Variants in FNIP2 observed in about 807,000 individuals in gnomAD.
FNIP2 encodes folliculin-interacting protein 2.
A neutral mutation model predicts 108.7 loss-of-function variants in FNIP2; 32 were observed. The observed-to-expected ratio is 0.29, with a 90% CI of 0.22 to 0.40. The LOEUF is 0.40. FNIP2 is among the 10% of genes least tolerant of loss of function. FNIP2 has a pLI of 1.00. For synonymous variants in FNIP2, 480 were observed against 496.7 expected, an observed-to-expected ratio of 0.97 and a Z score of 0.45; for missense variants, 1,202 against 1,381.6, an observed-to-expected ratio of 0.87 and a Z score of 2.06.
At chr4:158,883,448 A>C (rs1781827702) in intron 14 of FNIP2, among the ~76,000 whole-genome samples, 2 of 152,082 alleles carry the variant, frequency 1.3e-5, no homozygotes, top group Admixed American at 1.3e-4. Context: ...TCACCGTGTT[A>C]GCCAGGATGG....
intron 1 of FNIP2, among the ~76,000 whole-genome samples, chr4:158,800,581 T>G (rs906509467): frequency 1.3e-5 from 2 of 152,196 alleles, no homozygotes; most frequent in Non-Finnish European, 1.5e-5. Context: ...AAAAATAGTT[T>G]TTCCCATTGT....
At position 158,825,902 on chromosome 4, in the gene FNIP2, T is replaced by C; in HGVS notation, c.108-14T>C. ...GCAGATAACATAACTTCTTTTGCCC[T>C]TTTTAATCCACAGTTGGTCATGTTC... On this transcript the variant is annotated splice_polypyrimidine_tract_variant and intron_variant, in intron 1 of 16. Coordinates refer to ENST00000264433, the MANE Select transcript of FNIP2 (RefSeq NM_020840.3). 1.3e-6 allele frequency: 2 copies of C among 1,599,318 alleles called. No individual in the cohort carries two copies. The highest frequency in any genetic ancestry group is 2.3e-5 in the East Asian group (1 of 44,272).
At chr4:158,882,306 C>T (rs1300151667) in intron 14 of FNIP2, among the ~76,000 whole-genome samples, 10 of 151,738 alleles carry the variant, frequency 6.6e-5, no homozygotes, top group East Asian at 3.9e-4. Flanking sequence ...CGTCTCCGCC[C>T]GGCAGCTGCC....
At chr4:158,903,766 G>A (rs1729569373) in intron 16 of FNIP2, among the ~76,000 whole-genome samples, 1 of 152,118 alleles carries the variant, frequency 6.6e-6, no homozygotes, top group Non-Finnish European at 1.5e-5. Flanking sequence ...GGAATTCAAG[G>A]GTAAGGATTA....
At position 158,806,050 on chromosome 4, in the gene FNIP2, T is replaced by C. The variant is rs1776938180; in HGVS notation, c.108-19866T>C. 14 of 904,368 alleles carry C rather than the reference T, an allele frequency of 1.5e-5. No homozygotes were observed. The South Asian group carries it at 4.5e-4, about 29-fold the overall frequency. The allele number at this position is 904,368 out of a possible 1,614,324, so 56.0% of individuals were successfully genotyped here. On this transcript the variant is annotated intron_variant, in intron 1 of 16. Coordinates refer to ENST00000264433, the MANE Select transcript of FNIP2 (RefSeq NM_020840.3). ...AAATGAATGTTCCACCTTTTTTTTT[T>C]TTTAAACCTTTGAAAGGGGAAATTA...
intron 3 of FNIP2, among the ~76,000 whole-genome samples, chr4:158,831,056 A>C (rs2126584500): frequency 6.6e-6 from 1 of 152,328 alleles, no homozygotes; most frequent in Non-Finnish European, 1.5e-5. Flanking sequence ...TCCAGGCAAA[A>C]CCACAGTAAG....
chr4:158,778,206 A>C (rs1194956383), intron 1 of FNIP2, among the ~76,000 whole-genome samples: 1 of 152,204 alleles, frequency 6.6e-6, no homozygotes, highest in Non-Finnish European at 1.5e-5. Flanking sequence ...TGTCTTCATG[A>C]AACTCTCCTT....
intron 16 of FNIP2, among the ~76,000 whole-genome samples, chr4:158,903,422 G>A (rs139851500): frequency 3.9e-5 from 6 of 152,210 alleles, no homozygotes; most frequent in African/African-American, 9.6e-5. Context: ...GTTCCTATTC[G>A]GCCGTCTTGC....
intron 1 of FNIP2, among the ~76,000 whole-genome samples, chr4:158,773,395 C>T (rs1775759676): frequency 6.6e-6 from 1 of 151,980 alleles, no homozygotes; most frequent in Non-Finnish European, 1.5e-5. Context: ...TTGAGGAAGC[C>T]ATTGATTTAG....
intron 1 of FNIP2, among the ~76,000 whole-genome samples, chr4:158,799,064 G>A (rs951916933): frequency 2.6e-5 from 4 of 152,208 alleles, no homozygotes; most frequent in Non-Finnish European, 5.9e-5. Context: ...TTAGAGCAAG[G>A]CATATGAGAA....
chr4:158,889,593 C>T (rs936931188), intron 14 of FNIP2, among the ~76,000 whole-genome samples: 1 of 152,196 alleles, frequency 6.6e-6, no homozygotes, highest in African/African-American at 2.4e-5. Context: ...TCCTCCTCCC[C>T]TTGCCCTTTG....
intron 7 of FNIP2, among the ~76,000 whole-genome samples, chr4:158,841,513 TG>T (rs1779132425): frequency 6.6e-6 from 1 of 152,168 alleles, no homozygotes; most frequent in Admixed American, 6.5e-5. Context: ...TAGAGTGCTT[TG>T]TAGAGAGGAG....
At chr4:158,806,092 T>C in intron 1 of FNIP2, 1 of 1,062,440 alleles carries the variant, frequency 9.4e-7, no homozygotes, top group East Asian at 7.5e-5. Flanking sequence ...TGCTGTCAAG[T>C]AGCTTTTCTC....
At chr4:158,845,341 A>G (rs1359248878) in intron 7 of FNIP2, among the ~76,000 whole-genome samples, 1 of 152,232 alleles carries the variant, frequency 6.6e-6, no homozygotes, top group East Asian at 1.9e-4. Context: ...AGTTCTTTTC[A>G]TTATCATGTA....
chr4:158,791,266 C>CT lies in FNIP2; in HGVS notation c.107+21976dup, dbSNP rs199714823. 1.9e-3 allele frequency among the ~76,000 whole-genome samples: 187 copies of CT among 98,072 alleles called. 10 individuals are homozygous for CT. The highest frequency in any genetic ancestry group is 7.5e-3 in the South Asian group (17 of 2,278). The allele number at this position is 98,072 out of a possible 152,430, so 64.3% of individuals were successfully genotyped here. A position where few individuals can be genotyped will look rare whatever the true frequency, so the allele number is the denominator to read the frequency against. On this transcript the variant is annotated intron_variant, in intron 1 of 16. Coordinates refer to ENST00000264433, the MANE Select transcript of FNIP2 (RefSeq NM_020840.3). ...AGATGTTCCTTCTGCACTGAGGATCCTTTTTTTTTTTTTTTTTTTTTTTTT... is the reference window on the plus strand; with the variant it reads ...AGATGTTCCTTCTGCACTGAGGATCCTTTTTTTTTTTTTTTTTTTTTTTTTT...
intron 1 of FNIP2, among the ~76,000 whole-genome samples, chr4:158,781,846 ACT>A (rs1259091301): frequency 2.0e-5 from 3 of 150,562 alleles, no homozygotes; most frequent in South Asian, 2.1e-4. Flanking sequence ...TTCAAACCTG[ACT>A]CTCCCACTTA....
intron 14 of FNIP2, among the ~76,000 whole-genome samples, chr4:158,882,597 G>T (rs1158645625): frequency 1.3e-5 from 2 of 152,384 alleles, no homozygotes; most frequent in South Asian, 2.1e-4. Context: ...TCAGATTGTT[G>T]CTGTGGCTGT....
intron 1 of FNIP2, among the ~76,000 whole-genome samples, chr4:158,779,761 C>T (rs532439709): frequency 2.9e-5 from 4 of 139,074 alleles, no homozygotes; most frequent in South Asian, 2.2e-4. Context: ...TTTGTAGAGA[C>T]GGGAGCGGGG....
intron 1 of FNIP2, among the ~76,000 whole-genome samples, chr4:158,818,377 G>A (rs1411551077): frequency 6.6e-6 from 1 of 152,214 alleles, no homozygotes; most frequent in Admixed American, 6.5e-5. Flanking sequence ...TGGGGAACCT[G>A]AAAGTTATTT....
Sources: gnomAD v4.1 joint callset for allele counts (sites outside exome capture counted in the v4.1 genomes callset) on GRCh38, gnomAD v4.1.1 for gene constraint, MANE v1.5 for transcripts, NCBI Gene and HGNC (gene_info 2026-07-23, HGNC 2026-07-21) for gene names.